ALG14: variants seen among roughly 807,000 people sequenced by gnomAD.
ALG14 encodes the protein UDP-N-acetylglucosamine transferase subunit ALG14.
ALG14 carries 17 observed loss-of-function variants against 22.8 expected under a neutral mutation model. The observed-to-expected ratio is 0.75, with a 90% CI of 0.51 to 1.12. ALG14 has a LOEUF of 1.12. ALG14 is among the 50% of genes most tolerant of loss of function. ALG14 has a pLI of 0.00. For missense variants in ALG14, 288 were observed against 271.8 expected (o/e 1.06, Z -0.42); for synonymous variants, 89 against 103.7 (o/e 0.86, Z 0.86).
intron 2 of ALG14, among the ~76,000 whole-genome samples, chr1:95,055,606 A>T (rs2100821810): frequency 6.6e-6 from 1 of 152,262 alleles, no homozygotes; most frequent in African/African-American, 2.4e-5. Flanking sequence ...CCAAACTGAT[A>T]TATTCAATTT....
At chr1:94,993,241 T>G (rs1286697186) in intron 3 of ALG14, among the ~76,000 whole-genome samples, 1 of 147,828 alleles carries the variant, frequency 6.8e-6, no homozygotes, top group Non-Finnish European at 1.5e-5. Flanking sequence ...TAATCAGGCT[T>G]CTTCTATCTT....
At chr1:94,992,399 C>G (rs1483911138) in intron 3 of ALG14, among the ~76,000 whole-genome samples, 1 of 152,064 alleles carries the variant, frequency 6.6e-6, no homozygotes, top group African/African-American at 2.4e-5. Context: ...CAAAGACTTT[C>G]CTGAGGAGGT....
chr1:95,050,108 C>T (rs1346109038), intron 2 of ALG14, among the ~76,000 whole-genome samples: 1 of 152,112 alleles, frequency 6.6e-6, no homozygotes, highest in Admixed American at 6.5e-5. Context: ...GGCTTCTCAC[C>T]AGAACCAAGT....
At chr1:95,012,637 G>C (rs1673398027) in intron 3 of ALG14, among the ~76,000 whole-genome samples, 1 of 152,160 alleles carries the variant, frequency 6.6e-6, no homozygotes, top group Admixed American at 6.6e-5. Context: ...GTTTCTCCTT[G>C]AGAACATCTG....
chr1:95,057,167 T>A (rs1268381734), intron 2 of ALG14, among the ~76,000 whole-genome samples: 1 of 150,866 alleles, frequency 6.6e-6, no homozygotes, highest in Non-Finnish European at 1.5e-5. Context: ...TATATATACA[T>A]ACACATACAC....
rs1672406563 is a variant in ALG14, at chr1:94,976,851, C to G, written c.*6225G>C. The G allele has an allele frequency of 6.6e-6, 1 of 152,126 alleles. No individual in the cohort carries two copies. Among genetic ancestry groups the G allele is most frequent in the Non-Finnish European group, 1.5e-5 (1 of 68,026 alleles). 9.4% of individuals were successfully genotyped at this position (152,126 alleles called of 1,614,324 possible). A position where few individuals can be genotyped will look rare whatever the true frequency, so the allele number is the denominator to read the frequency against. On this transcript the variant is annotated 3_prime_UTR_variant, in exon 4 of 4. Transcript: ENST00000370205. ...ATGGCAAAAGGGACGTAATTATGAT[C>G]CTAATCAGTTGACCTTGAATTAATC...
intron 3 of ALG14, among the ~76,000 whole-genome samples, chr1:94,986,781 T>TTG (rs929994525): frequency 1.1e-4 from 16 of 151,808 alleles, no homozygotes; most frequent in African/African-American, 3.1e-4. Flanking sequence ...CTTTTTTTTT[T>TTG]TTTTTTTAAC....
At chr1:95,056,674 A>G (rs1299674426) in intron 2 of ALG14, among the ~76,000 whole-genome samples, 1 of 152,072 alleles carries the variant, frequency 6.6e-6, no homozygotes. Flanking sequence ...TAAAACTTCT[A>G]GAAAATAACA....
intron 2 of ALG14, among the ~76,000 whole-genome samples, chr1:95,028,888 A>T (rs1045407295): frequency 6.6e-6 from 1 of 152,232 alleles, no homozygotes; most frequent in Non-Finnish European, 1.5e-5. Flanking sequence ...TTCATTTTTC[A>T]GGTCAGAATA....
At chr1:95,037,396 C>T (rs576427058) in intron 2 of ALG14, among the ~76,000 whole-genome samples, 10 of 152,244 alleles carry the variant, frequency 6.6e-5, no homozygotes, top group African/African-American at 1.9e-4. Context: ...TGCTGGGGCT[C>T]TCTCTCCCAT....
chr1:95,053,578 A>T (rs1055077295), intron 2 of ALG14, among the ~76,000 whole-genome samples: 1 of 151,986 alleles, frequency 6.6e-6, no homozygotes, highest in Admixed American at 6.6e-5. Context: ...GTTTGTTTTT[A>T]GAGATGGAGT....
intron 2 of ALG14, among the ~76,000 whole-genome samples, chr1:95,048,118 A>G (rs1037722875): frequency 1.3e-5 from 2 of 152,212 alleles, no homozygotes; most frequent in Non-Finnish European, 1.5e-5. Flanking sequence ...CACTAAACAC[A>G]GTGTCTTGTA....
chr1:95,072,929 G>C lies in ALG14; in HGVS notation c.-31C>G, dbSNP rs751939388. ...GAAACGGCGCATGCGTCCAACTTCC[G>C]GGGACCAGCCGCTGTCAAAGTTCAC... On this transcript the variant is annotated 5_prime_UTR_variant, in exon 1 of 4. Coordinates refer to ENST00000370205, the MANE Select transcript of ALG14 (RefSeq NM_144988.4). 1.2e-6 allele frequency: 2 copies of C among 1,612,200 alleles called. No individual in the cohort carries two copies. The highest frequency in any genetic ancestry group is 8.5e-7 in the Non-Finnish European group (1 of 1,179,586).
At chr1:95,030,307 T>C (rs1448773032) in intron 2 of ALG14, among the ~76,000 whole-genome samples, 5 of 152,006 alleles carry the variant, frequency 3.3e-5, no homozygotes, top group Admixed American at 6.6e-5. Flanking sequence ...TGTGACAAAC[T>C]GGATTTTTTT....
At chr1:95,004,968 G>C (rs1442669352) in intron 3 of ALG14, among the ~76,000 whole-genome samples, 2 of 152,086 alleles carry the variant, frequency 1.3e-5, no homozygotes. Context: ...ACCATGCCTG[G>C]CTAATTTTTG....
intron 2 of ALG14, among the ~76,000 whole-genome samples, chr1:95,042,746 A>G (rs2100799934): frequency 6.6e-6 from 1 of 152,364 alleles, no homozygotes; most frequent in East Asian, 1.9e-4. Flanking sequence ...GAAACTGTAC[A>G]TGACGTGTCT....
At chr1:95,033,738 C>T (rs1354656546) in intron 2 of ALG14, among the ~76,000 whole-genome samples, 1 of 152,048 alleles carries the variant, frequency 6.6e-6, no homozygotes, top group East Asian at 1.9e-4. Context: ...CATAGCTAAC[C>T]ACTTATTCCA....
At chr1:95,005,366 G>A (rs976858886) in intron 3 of ALG14, among the ~76,000 whole-genome samples, 4 of 147,178 alleles carry the variant, frequency 2.7e-5, no homozygotes, top group Non-Finnish European at 5.9e-5. Context: ...CAGGAGCAAG[G>A]TAATGAAGGA....
intron 3 of ALG14, among the ~76,000 whole-genome samples, chr1:95,001,697 T>C (rs1673074479): frequency 6.6e-6 from 1 of 152,138 alleles, no homozygotes; most frequent in Non-Finnish European, 1.5e-5. Context: ...GGTTCCACCA[T>C]GTTGGCTTGG....
Sources: gnomAD v4.1 joint callset for allele counts (sites outside exome capture counted in the v4.1 genomes callset) on GRCh38, gnomAD v4.1.1 for gene constraint, MANE v1.5 for transcripts, NCBI Gene and HGNC (gene_info 2026-07-23, HGNC 2026-07-21) for gene names.